The following PCDHA6 variants were observed in gnomAD, a reference collection of about 807,000 sequenced individuals.
PCDHA6 encodes the protein protocadherin alpha 6.
A neutral mutation model predicts 60.3 loss-of-function variants in PCDHA6; 55 were observed. The ratio of observed to expected loss-of-function variants is 0.91; its 90% CI spans 0.73 to 1.14. The LOEUF is 1.14. Ranked by LOEUF, PCDHA6 falls within the 50% of genes most tolerant of loss-of-function variation. The pLI is 0.00. For synonymous variants in PCDHA6, 652 were observed against 557.9 expected (o/e 1.17, Z -2.38); for missense variants, 1,327 against 1,256.5 (o/e 1.06, Z -0.85).
intron 3 of PCDHA6, among the ~76,000 whole-genome samples, chr5:141,001,477 A>T (rs2098020508): frequency 6.6e-6 from 1 of 152,176 alleles, no homozygotes; most frequent in South Asian, 2.1e-4. Flanking sequence ...AGCAGCGGGG[A>T]AGTGCTGGAA....
chr5:140,883,951 C>T (rs782324778), intron 1 of PCDHA6: 7 of 1,613,222 alleles, frequency 4.3e-6, no homozygotes, highest in African/African-American at 2.7e-5. Flanking sequence ...AGAACGACAA[C>T]GCTCCGGCGC....
intron 1 of PCDHA6, among the ~76,000 whole-genome samples, chr5:140,925,108 G>A (rs77719760): frequency 1.1e-3 from 139 of 124,762 alleles, no homozygotes; most frequent in African/African-American, 2.5e-3. Flanking sequence ...GAAGGAAGGA[G>A]GGAAGGAAGG....
In PCDHA6 at chr5:140,828,364, C is replaced by T. The variant is rs1769717460; in HGVS notation, c.273C>T (p.Asp91=). The change falls in exon 1 of 4, where the codon GAC becomes GAT. Residue 91 remains aspartate, a synonymous_variant. Transcript: ENST00000529310. ...NGILFVNSRI[D]REELCGRSAE... ...TTTTGTTTGTGAATTCTCGGATCGACCGCGAGGAGCTGTGCGGGCGGAGCG... is the reference window on the plus strand; with the variant it reads ...TTTTGTTTGTGAATTCTCGGATCGATCGCGAGGAGCTGTGCGGGCGGAGCG... The T allele has an allele frequency of 6.2e-7, 1 of 1,614,276 alleles. No individual in the cohort carries two copies. The highest frequency in any genetic ancestry group is 8.5e-7 in the Non-Finnish European group (1 of 1,180,056).
intron 3 of PCDHA6, among the ~76,000 whole-genome samples, chr5:140,997,260 T>G (rs1364203100): frequency 6.6e-6 from 1 of 152,196 alleles, no homozygotes; most frequent in Admixed American, 6.5e-5. Flanking sequence ...GGTTCACTCT[T>G]CCAAATATTT....
At chr5:140,950,439 G>A (rs1448812695) in intron 1 of PCDHA6, among the ~76,000 whole-genome samples, 1 of 151,962 alleles carries the variant, frequency 6.6e-6, no homozygotes, top group Non-Finnish European at 1.5e-5. Context: ...TAAAAAAAAT[G>A]TTATTCTACT....
chr5:140,993,828 A>G (rs1170306716), intron 3 of PCDHA6, among the ~76,000 whole-genome samples: 1 of 152,226 alleles, frequency 6.6e-6, no homozygotes, highest in East Asian at 1.9e-4. Context: ...AGGCTATACC[A>G]TATAGCCTAG....
chr5:140,919,286 G>A (rs1225686980), intron 1 of PCDHA6, among the ~76,000 whole-genome samples: 9 of 152,096 alleles, frequency 5.9e-5, no homozygotes, highest in Admixed American at 5.9e-4. Flanking sequence ...GCTATCTTGT[G>A]GTTGCTGTTT....
intron 1 of PCDHA6, chr5:140,834,737 T>C (rs2150225179): frequency 1.9e-6 from 3 of 1,614,230 alleles, no homozygotes; most frequent in African/African-American, 1.3e-5. Context: ...AGGTTTTCCA[T>C]GTGGACGTGG....
rs1554142981 is a variant in PCDHA6, at chr5:140,849,496, G to A, written c.2394+19011G>A. The A allele has an allele frequency of 6.3e-7, 1 of 1,593,496 alleles. No individual in the cohort carries two copies. Among genetic ancestry groups the A allele is most frequent in the South Asian group, 1.1e-5 (1 of 90,348 alleles). ...GGCTTCCCACCCCTGGCTGGTCATT[G>A]TACACTTCTTGTGGAAGTTGTGGAT... is the stretch of plus-strand genomic sequence containing the variant. On this transcript the variant is annotated intron_variant, in intron 1 of 3. Coordinates refer to ENST00000529310, the MANE Select transcript of PCDHA6 (RefSeq NM_018909.4).
At position 140,830,063 on chromosome 5, in the gene PCDHA6, G is replaced by A. The variant is rs1554132505; in HGVS notation, c.1972G>A (p.Ala658Thr). ...GCTGGTGAAAGACCACGGTGAGCCG[G>A]CGCTGACAGCGACGGCCACGGTTCT... ...LVLVKDHGEP[A>T]LTATATVLVS... is the part of the protein sequence containing the mutation. Residue 658 changes from alanine (A) to threonine (T), a missense_variant, in exon 1 of 4, where the codon GCG becomes ACG. Ala to Thr is a moderately conservative substitution (Grantham distance 58, BLOSUM62 0). Coordinates refer to ENST00000529310, the MANE Select transcript of PCDHA6 (RefSeq NM_018909.4). The A allele has an allele frequency of 6.2e-7, 1 of 1,613,704 alleles. No homozygotes were observed. The highest frequency in any genetic ancestry group is 8.5e-7 in the Non-Finnish European group (1 of 1,179,866).
chr5:140,834,296 A>T, intron 1 of PCDHA6: 2 of 1,241,708 alleles, frequency 1.6e-6, no homozygotes, highest in South Asian at 1.5e-5. Flanking sequence ...CAATGGCCAC[A>T]CATCGAGATT....
chr5:140,992,841 A>G (rs1351149915), intron 3 of PCDHA6, among the ~76,000 whole-genome samples: 2 of 152,188 alleles, frequency 1.3e-5, no homozygotes, highest in African/African-American at 2.4e-5. Flanking sequence ...AACATTTTGT[A>G]TAACAACCAG....
chr5:140,942,429 A>C (rs543442477), intron 1 of PCDHA6, among the ~76,000 whole-genome samples: 1 of 152,226 alleles, frequency 6.6e-6, no homozygotes, highest in Admixed American at 6.5e-5. Context: ...AAAGATATCT[A>C]ACAATAAACA....
rs781974273 is a variant in PCDHA6, at chr5:140,871,561, T to TC, written c.2394+41077dup. 4.7e-6 allele frequency: 7 copies of TC among 1,485,828 alleles called. No homozygotes were observed. In the African/African-American group the frequency reaches 9.9e-5, roughly 21 times the overall value. 92.0% of individuals were successfully genotyped at this position (1,485,828 alleles called of 1,614,324 possible). ...AAATTATTTAAAATCCAGTTTTTTT[T>TC]CACGGATTTTTTAAGGGAAAGTTTT... is the stretch of plus-strand genomic sequence containing the variant. On this transcript the variant is annotated intron_variant, in intron 1 of 3. Coordinates refer to ENST00000529310, the MANE Select transcript of PCDHA6 (RefSeq NM_018909.4).
intron 1 of PCDHA6, among the ~76,000 whole-genome samples, chr5:140,845,552 T>C (rs2150379809): frequency 0.45 from 67,291 of 148,608 alleles, 18,811 homozygotes; most frequent in South Asian, 0.64. Context: ...ATGGTGATGC[T>C]TTTAGCTATT....
chr5:140,964,812 T>C (rs2095855698), intron 1 of PCDHA6, among the ~76,000 whole-genome samples: 1 of 151,914 alleles, frequency 6.6e-6, no homozygotes, highest in Non-Finnish European at 1.5e-5. Flanking sequence ...GAGACAGGAA[T>C]AGATTTTGAT....
chr5:140,895,914 A>G (rs570826611), intron 1 of PCDHA6, among the ~76,000 whole-genome samples: 43 of 152,162 alleles, frequency 2.8e-4, no homozygotes, highest in Non-Finnish European at 1.3e-4. Flanking sequence ...CGGGCTCAAC[A>G]ATTATCCTGC....
rs781977975 is a variant in PCDHA6, at chr5:140,857,750, C to G, written c.2394+27265C>G. 1.9e-6 allele frequency: 3 copies of G among 1,597,316 alleles called. No homozygotes were observed. Among genetic ancestry groups the G allele is most frequent in the Non-Finnish European group, 1.7e-6 (2 of 1,167,614 alleles). On this transcript the variant is annotated intron_variant, in intron 1 of 3. Coordinates refer to ENST00000529310, the MANE Select transcript of PCDHA6 (RefSeq NM_018909.4). ...CAACGCTCCCGCGCTGCTGGCGTCT[C>G]CCGCTGGCAGCGCGGGCGGTGCAGT...
rs116814228 is a variant in PCDHA6, at chr5:140,916,284, C to T, written c.2395-62665C>T. ...AGAGCATGCTTGTTGCTCTACTCCACGTGGCCAAACTGGTACCAAAGGTGC... is the reference window on the plus strand; with the variant it reads ...AGAGCATGCTTGTTGCTCTACTCCATGTGGCCAAACTGGTACCAAAGGTGC... On this transcript the variant is annotated intron_variant, in intron 1 of 3. Coordinates refer to ENST00000529310, the MANE Select transcript of PCDHA6 (RefSeq NM_018909.4). Among the ~76,000 whole-genome samples the T allele has an allele frequency of 8.7e-3, 1,322 of 152,308 alleles. 14 individuals carry two copies. The highest frequency in any genetic ancestry group is 0.03 in the African/African-American group (1,254 of 41,566).
Sources: allele counts gnomAD v4.1 joint callset (sites outside exome capture counted in the v4.1 genomes callset), GRCh38; gene constraint gnomAD v4.1.1; transcripts MANE v1.5; gene names NCBI Gene and HGNC (gene_info 2026-07-23, HGNC 2026-07-21).